Variants in STXBP3 observed in about 807,000 individuals in gnomAD.
STXBP3 encodes syntaxin binding protein 3, also known as syntaxin-binding protein 3.
STXBP3 carries 41 observed loss-of-function variants against 85.7 expected under a neutral mutation model. The ratio of observed to expected loss-of-function variants is 0.48; its 90% CI spans 0.37 to 0.62. STXBP3 has a LOEUF of 0.62. Among genes scored for constraint, STXBP3 ranks in the 20% least tolerant of loss-of-function variants. The pLI is 0.00. For synonymous variants in STXBP3, 229 were observed against 231.7 expected, an observed-to-expected ratio of 0.99 and a Z score of 0.10; for missense variants, 563 against 703.1, an observed-to-expected ratio of 0.80 and a Z score of 2.25.
chr1:108,751,032 GCT>G (rs895484509), intron 1 of STXBP3, among the ~76,000 whole-genome samples: 4 of 152,154 alleles, frequency 2.6e-5, no homozygotes, highest in African/African-American at 7.2e-5. Context: ...CACCTTGGGA[GCT>G]CTCCAAACTC....
rs767973863 is a variant in STXBP3, at chr1:108,760,017, G to T, written c.370G>T (p.Ala124Ser). 1.3e-6 allele frequency: 2 copies of T among 1,575,692 alleles called. No homozygotes were observed. Among genetic ancestry groups the T allele is most frequent in the East Asian group, 2.4e-5 (1 of 42,228 alleles). Residue 124 changes from alanine to serine, a missense_variant, in exon 6 of 19, where the codon GCT (alanine) becomes TCT (serine). Ala to Ser is a moderately conservative substitution (Grantham distance 99). This residue lies in a region of STXBP3 where 494 missense variants were observed against 592.8 expected (regional missense o/e 0.83). Coordinates refer to ENST00000370008, the MANE Select transcript of STXBP3 (RefSeq NM_007269.4). ...TGATAATCTCTTTAACAAAATTAAGGCTTCTTGCTCCAAGTCAATAAGAAG... is the reference window on the plus strand; with the variant it reads ...TGATAATCTCTTTAACAAAATTAAGTCTTCTTGCTCCAAGTCAATAAGAAG... ...CPDNLFNKIK[A>S]SCSKSIRRCK... is the part of the protein sequence containing the mutation.
At chr1:108,752,157 C>G in intron 1 of STXBP3, 100 bp from the exon 2 acceptor site, 1 of 1,095,592 alleles carries the variant, frequency 9.1e-7, no homozygotes, top group Non-Finnish European at 1.3e-6. Context: ...TGTAGTTTAA[C>G]AAATTTCAAA....
At chr1:108,765,867 T>C (rs1662254000) in intron 6 of STXBP3, among the ~76,000 whole-genome samples, 1 of 146,000 alleles carries the variant, frequency 6.8e-6, no homozygotes, top group African/African-American at 2.6e-5. Context: ...TTTTTTTTTT[T>C]TTTGGAGACA....
At chr1:108,752,008 G>A (rs1330140165) in intron 1 of STXBP3, among the ~76,000 whole-genome samples, 1 of 152,062 alleles carries the variant, frequency 6.6e-6, no homozygotes, top group Non-Finnish European at 1.5e-5. Context: ...TTCTCGGTAC[G>A]TTCATGTACT....
chr1:108,795,073 A>G (rs1027541014), intron 13 of STXBP3, among the ~76,000 whole-genome samples, 166 bp downstream of exon 13: 1 of 152,176 alleles, frequency 6.6e-6, no homozygotes, highest in African/African-American at 2.4e-5. Context: ...ATTCCCCGCT[A>G]ACATTAACAA....
chr1:108,785,513 G>A (rs990472472), intron 11 of STXBP3, among the ~76,000 whole-genome samples: 1 of 152,150 alleles, frequency 6.6e-6, no homozygotes, highest in Non-Finnish European at 1.5e-5. Flanking sequence ...CTCTGGACCT[G>A]TGATGGGAGG....
In STXBP3 at chr1:108,753,209, TTTAG is replaced by T. The variant is rs1386778181; in HGVS notation, c.181+71_181+74del. ...TTGGGGGAGATCTGAGGTATTAAAT[TTTAG>T]TTAGTAGTTGTGTTTCTAAGGAGCT... On this transcript the variant is annotated intron_variant, in intron 3 of 18. Coordinates refer to ENST00000370008, the MANE Select transcript of STXBP3 (RefSeq NM_007269.4). The T allele has an allele frequency of 1.1e-5, 13 of 1,193,152 alleles. No individual in the cohort carries two copies. In the East Asian group the frequency reaches 1.3e-4, roughly 12 times the overall value. 73.9% of individuals were successfully genotyped at this position (1,193,152 alleles called of 1,614,324 possible).
intron 11 of STXBP3, among the ~76,000 whole-genome samples, chr1:108,791,266 A>G (rs1438569823): frequency 1.3e-5 from 2 of 151,998 alleles, no homozygotes; most frequent in Non-Finnish European, 2.9e-5. Context: ...GTTTATTAAT[A>G]TTTTCTCTGT....
intron 13 of STXBP3, among the ~76,000 whole-genome samples, 174 bp from the exon 14 acceptor site, chr1:108,796,060 T>C (rs1663088782): frequency 6.6e-6 from 1 of 152,132 alleles, no homozygotes; most frequent in South Asian, 2.1e-4. Context: ...ACAGATGGGG[T>C]TTTACCATGT....
intron 6 of STXBP3, among the ~76,000 whole-genome samples, chr1:108,761,007 G>A (rs773514764): frequency 6.6e-6 from 1 of 151,988 alleles, no homozygotes; most frequent in Non-Finnish European, 1.5e-5. Flanking sequence ...AAGTTCAAGC[G>A]ATTCTCCTGC....
chr1:108,772,740 G>A lies in STXBP3; in HGVS notation c.514G>A (p.Ala172Thr). 2 of 1,604,730 alleles carry A rather than the reference G, an allele frequency of 1.2e-6. No individual in the cohort carries two copies. The highest frequency in any genetic ancestry group is 8.5e-7 in the Non-Finnish European group (1 of 1,175,192). Residue 172 changes from alanine to threonine, a missense_variant, in exon 7 of 19, where the codon GCC becomes ACC. Physicochemically the swap from Ala to Thr is moderately conservative, Grantham distance 58. Around this residue, in one of 3 missense-constraint regions of STXBP3, gnomAD observed 494 missense variants for 592.8 expected, o/e 0.83. Transcript: ENST00000370008. ...PDPGNAKGKDAIMETMADQIV... is the reference protein window; with the variant it reads ...PDPGNAKGKDTIMETMADQIV... ...CCCTGGTAATGCAAAGGGAAAAGAT[G>A]CCATTATGGAAACAATGGCTGACCA...
rs537758469 is a variant in STXBP3, at chr1:108,796,678, T to G, written c.1308T>G (p.Ser436Arg). 20 of 1,613,690 alleles carry G rather than the reference T, an allele frequency of 1.2e-5. No individual in the cohort carries two copies. In the East Asian group the frequency reaches 3.8e-4, roughly 31 times the overall value. The change falls in exon 15 of 19, where the codon AGT becomes AGG. Residue 436 changes from serine to arginine, a missense_variant. Ser to Arg is a moderately radical substitution (Grantham distance 110, BLOSUM62 -1). Around this residue, in one of 3 missense-constraint regions of STXBP3, gnomAD observed 494 missense variants for 592.8 expected, o/e 0.83. Coordinates refer to ENST00000370008, the MANE Select transcript of STXBP3 (RefSeq NM_007269.4). ...LIQNVKIENE[S>R]DMIRNWSYLG... Reference sequence around the variant, plus strand: ...AGAATGTAAAGATAGAAAATGAGAGTGACATGATTCGTAACTGGAGTTACC... The same window carrying G: ...AGAATGTAAAGATAGAAAATGAGAGGGACATGATTCGTAACTGGAGTTACC...
At chr1:108,760,467 ATTATT>A (rs1394773749) in intron 6 of STXBP3, among the ~76,000 whole-genome samples, 2 of 152,064 alleles carry the variant, frequency 1.3e-5, no homozygotes, top group South Asian at 2.1e-4. Context: ...TATTATGTAA[ATTATT>A]TTAATTTATA....
At chr1:108,789,573 T>C (rs139516281) in intron 11 of STXBP3, among the ~76,000 whole-genome samples, 2 of 152,358 alleles carry the variant, frequency 1.3e-5, no homozygotes, top group Admixed American at 6.5e-5. Flanking sequence ...GAATAACTTA[T>C]TTTCATTTAG....
intron 3 of STXBP3, among the ~76,000 whole-genome samples, chr1:108,755,082 C>T (rs1661990153): frequency 1.3e-5 from 2 of 151,472 alleles, no homozygotes; most frequent in African/African-American, 4.9e-5. Context: ...AAAACAAAAT[C>T]GGGAAAAAAA....
At chr1:108,754,949 T>C (rs577582990) in intron 3 of STXBP3, among the ~76,000 whole-genome samples, 2 of 152,268 alleles carry the variant, frequency 1.3e-5, no homozygotes, top group African/African-American at 2.4e-5. Context: ...AACAGTCCTT[T>C]TGAGTTCCAC....
rs773248379 is a variant in STXBP3, at chr1:108,779,339, C to T, written c.738C>T (p.Ser246=). ...LIIDRGFDPV[S]TVLHELTFQA... The stretch of plus-strand genomic sequence containing the variant: ...TTGATCGTGGCTTTGATCCTGTGTC[C>T]ACTGTCCTGCATGAACTGACCTTTC... Residue 246 remains serine, a synonymous_variant, in exon 9 of 19, where the codon TCC becomes TCT. Transcript: ENST00000370008. The T allele has an allele frequency of 2.5e-6, 4 of 1,613,088 alleles. No homozygotes were observed. The highest frequency in any genetic ancestry group is 1.3e-5 in the African/African-American group (1 of 74,882).
chr1:108,765,649 A>G lies in STXBP3; in HGVS notation c.438+5564A>G, dbSNP rs146185569. ...GAGTGCAGTGGTGCAATCTCGTTTCACTGCAACCTCCACCAGGTTCAAGCA... is the reference window on the plus strand; with the variant it reads ...GAGTGCAGTGGTGCAATCTCGTTTCGCTGCAACCTCCACCAGGTTCAAGCA... On this transcript the variant is annotated intron_variant, in intron 6 of 18. Coordinates refer to ENST00000370008, the MANE Select transcript of STXBP3 (RefSeq NM_007269.4). 8.0e-3 allele frequency among the ~76,000 whole-genome samples: 1,055 copies of G among 132,668 alleles called. 14 individuals carry two copies. The highest frequency in any genetic ancestry group is 0.03 in the African/African-American group (1,006 of 34,030). 87.0% of individuals were successfully genotyped at this position (132,668 alleles called of 152,430 possible).
intron 17 of STXBP3, among the ~76,000 whole-genome samples, chr1:108,807,108 T>C (rs1017223673): frequency 1.3e-5 from 2 of 152,020 alleles, no homozygotes; most frequent in African/African-American, 4.8e-5. Flanking sequence ...AAAAATTAGC[T>C]GGGCATGGTG....
Sources: allele counts gnomAD v4.1 joint callset (sites outside exome capture counted in the v4.1 genomes callset), GRCh38; gene constraint gnomAD v4.1.1; regional missense constraint gnomAD v4.1.1; transcripts MANE v1.5; gene names NCBI Gene and HGNC (gene_info 2026-07-23, HGNC 2026-07-21).